Variants in GNAO1 observed in about 807,000 individuals in gnomAD.
GNAO1 encodes G protein subunit alpha o1.
For synonymous variants in GNAO1, 164 were observed against 180.7 expected, an observed-to-expected ratio of 0.91 and a Z score of 0.74; for missense variants, 166 against 478.7, an observed-to-expected ratio of 0.35 and a Z score of 6.10.
chr16:56,298,165 C>T (rs1277987298), intron 3 of GNAO1, among the ~76,000 whole-genome samples: 1 of 152,168 alleles, frequency 6.6e-6, no homozygotes. Context: ...GGGCGAGACC[C>T]TGTCTCAAAA....
chr16:56,256,726 G>C (rs567129644), intron 2 of GNAO1, among the ~76,000 whole-genome samples: 870 of 54,154 alleles, frequency 0.016, 7 homozygotes, highest in African/African-American at 0.052. Context: ...CTCTGTGTGT[G>C]TGTGTGTGTG....
At position 56,355,019 on chromosome 16, in the gene GNAO1, T is replaced by C; in HGVS notation, c.1031T>C (p.Ile344Thr). The C allele has an allele frequency of 6.2e-7, 1 of 1,613,772 alleles. No homozygotes were observed. The highest frequency in any genetic ancestry group is 1.7e-5 in the Admixed American group (1 of 60,016). Residue 344 changes from isoleucine to threonine, a missense_variant, in exon 8 of 9, where the codon ATT (isoleucine) becomes ACT (threonine). Ile to Thr is a moderately conservative substitution (Grantham distance 89). Transcript: ENST00000262493. ...VVFDAVTDII[I>T]ANNLRGCGLY ...TTCGACGCCGTCACCGACATCATCA[T>C]TGCCAACAACCTCCGGGGCTGCGGC...
chr16:56,282,419 T>C (rs1405061161), intron 3 of GNAO1, among the ~76,000 whole-genome samples: 1 of 152,242 alleles, frequency 6.6e-6, no homozygotes, highest in African/African-American at 2.4e-5. Context: ...TGAATTCTAC[T>C]CACAGCAATC....
chr16:56,303,721 A>G (rs1164551546), intron 3 of GNAO1, among the ~76,000 whole-genome samples: 1 of 152,088 alleles, frequency 6.6e-6, no homozygotes, highest in Non-Finnish European at 1.5e-5. Flanking sequence ...TGTGCTTGCT[A>G]TCATTGACCC....
chr16:56,334,933 T>C, intron 5 of GNAO1, 76 bp downstream of exon 5: 1 of 1,503,456 alleles, frequency 6.7e-7, no homozygotes. Context: ...GCATTGCGTT[T>C]ACAGCGCCCA....
At chr16:56,322,765 C>T (rs1165059732) in intron 3 of GNAO1, among the ~76,000 whole-genome samples, 3 of 152,182 alleles carry the variant, frequency 2.0e-5, no homozygotes, top group Admixed American at 6.5e-5. Flanking sequence ...CAAGCTCCCT[C>T]GCCTAAGCAG....
At position 56,351,324 on chromosome 16, in the gene GNAO1, C is replaced by G. The variant is rs2037918964; in HGVS notation, c.724-60C>G. On this transcript the variant is annotated intron_variant, in intron 6 of 8. Coordinates refer to ENST00000262493, the MANE Select transcript of GNAO1 (RefSeq NM_020988.3). The surrounding 1 kb of genome is among the most constrained non-coding windows in gnomAD (Gnocchi z 6.1). ...CAAGCCTAATTCTCTCCTTCTCTTTCCCTGTCTCTGTGTCTCCCTCCCGCT... is the reference window on the plus strand; with the variant it reads ...CAAGCCTAATTCTCTCCTTCTCTTTGCCTGTCTCTGTGTCTCCCTCCCGCT... 1.6e-6 allele frequency: 2 copies of G among 1,266,162 alleles called. No individual in the cohort carries two copies. The highest frequency in any genetic ancestry group is 2.3e-6 in the Non-Finnish European group (2 of 876,780). 78.4% of individuals were successfully genotyped at this position (1,266,162 alleles called of 1,614,324 possible). A position where few individuals can be genotyped will look rare whatever the true frequency, so the allele number is the denominator to read the frequency against.
At chr16:56,202,317 A>G (rs1275512744) in intron 2 of GNAO1, among the ~76,000 whole-genome samples, 2 of 152,192 alleles carry the variant, frequency 1.3e-5, no homozygotes, top group African/African-American at 2.4e-5. Flanking sequence ...GAGAAAAGCC[A>G]AATTGCAGTG....
chr16:56,236,314 T>C (rs2036636717), intron 2 of GNAO1, among the ~76,000 whole-genome samples: 1 of 152,100 alleles, frequency 6.6e-6, no homozygotes, highest in Non-Finnish European at 1.5e-5. Context: ...TCTTTTCTAG[T>C]CCCTTCACAA....
intron 6 of GNAO1, among the ~76,000 whole-genome samples, chr16:56,339,148 G>A (rs530552256): frequency 8.5e-5 from 13 of 152,366 alleles, no homozygotes; most frequent in South Asian, 6.2e-4. Context: ...CAATACTGGC[G>A]CTGTAGAACT....
At chr16:56,265,947 C>A (rs1181942700) in intron 2 of GNAO1, among the ~76,000 whole-genome samples, 1 of 152,138 alleles carries the variant, frequency 6.6e-6, no homozygotes, top group African/African-American at 2.4e-5. Context: ...CATTAGAACA[C>A]TAAAGGTGCC....
chr16:56,269,298 GCTC>G (rs1175426774), intron 2 of GNAO1, among the ~76,000 whole-genome samples: 113 of 151,524 alleles, frequency 7.5e-4, no homozygotes, highest in Middle Eastern at 6.8e-3. Flanking sequence ...TGTTGTTGCT[GCTC>G]CTCCTCCTCC....
At chr16:56,335,879 T>C (rs1166365974) in intron 5 of GNAO1, among the ~76,000 whole-genome samples, 2 of 152,152 alleles carry the variant, frequency 1.3e-5, no homozygotes, top group African/African-American at 4.8e-5. Flanking sequence ...CCCTGATTGA[T>C]GGAATGAGAA....
At chr16:56,241,238 C>T (rs540629779) in intron 2 of GNAO1, among the ~76,000 whole-genome samples, 3 of 152,328 alleles carry the variant, frequency 2.0e-5, no homozygotes, top group Admixed American at 2.0e-4. Context: ...TGTTGTGAGT[C>T]CCACTGCTAT....
chr16:56,279,442 A>G (rs1174222618), intron 3 of GNAO1, among the ~76,000 whole-genome samples: 7 of 152,090 alleles, frequency 4.6e-5, no homozygotes, highest in Non-Finnish European at 8.8e-5. Flanking sequence ...CCAGCCTCAG[A>G]CTACAGACCT....
intron 2 of GNAO1, among the ~76,000 whole-genome samples, chr16:56,219,539 G>A (rs1258643571): frequency 6.6e-6 from 1 of 151,742 alleles, no homozygotes; most frequent in Non-Finnish European, 1.5e-5. Flanking sequence ...TTTTTTCTTT[G>A]GTATCGGATA....
chr16:56,324,461 T>C (rs976603535), intron 3 of GNAO1, among the ~76,000 whole-genome samples: 3 of 152,182 alleles, frequency 2.0e-5, no homozygotes, highest in Non-Finnish European at 4.4e-5. Flanking sequence ...TCTTGCCAGG[T>C]CCACCACCCG....
chr16:56,350,962 C>T (rs1225535386), intron 6 of GNAO1, among the ~76,000 whole-genome samples: 1 of 151,730 alleles, frequency 6.6e-6, no homozygotes, highest in Non-Finnish European at 1.5e-5. Context: ...GGCATGCACA[C>T]ACAGGTGCAC....
At chr16:56,349,998 T>TC (rs1462398590) in intron 6 of GNAO1, among the ~76,000 whole-genome samples, 2 of 152,116 alleles carry the variant, frequency 1.3e-5, no homozygotes, top group Non-Finnish European at 2.9e-5. Flanking sequence ...CACCGCGGTG[T>TC]CCCCTCAGGC....
Sources: allele counts gnomAD v4.1 joint callset (sites outside exome capture counted in the v4.1 genomes callset), GRCh38; gene constraint gnomAD v4.1.1; non-coding constraint Gnocchi (gnomAD v3.1); transcripts MANE v1.5; gene names NCBI Gene and HGNC (gene_info 2026-07-23, HGNC 2026-07-21).